Variants in TMEM123 observed in about 807,000 individuals in gnomAD.
TMEM123 encodes the protein transmembrane protein 123.
TMEM123 carries 16 observed loss-of-function variants against 19.7 expected under a neutral mutation model. The ratio of observed to expected loss-of-function variants is 0.81; its 90% CI spans 0.55 to 1.23. The LOEUF is 1.23. Ranked by LOEUF, TMEM123 falls within the 50% of genes most tolerant of loss-of-function variation. The pLI is 0.00. For synonymous variants in TMEM123, 118 were observed against 99.4 expected (o/e 1.19, Z -1.12); for missense variants, 313 against 257.8 (o/e 1.21, Z -1.47).
At chr11:102,439,566 A>G (rs974384986) in intron 2 of TMEM123, among the ~76,000 whole-genome samples, 3 of 152,208 alleles carry the variant, frequency 2.0e-5, no homozygotes, top group Admixed American at 6.5e-5. Flanking sequence ...CAAAGACCAA[A>G]GGTAGATAAA....
chr11:102,400,602 A>G (rs148948320), intron 4 of TMEM123, among the ~76,000 whole-genome samples: 2 of 152,366 alleles, frequency 1.3e-5, no homozygotes, highest in East Asian at 1.9e-4. Context: ...CAATATGAGT[A>G]TGTTGAAACC....
chr11:102,440,879 G>A (rs941585978), intron 2 of TMEM123, among the ~76,000 whole-genome samples: 4 of 152,068 alleles, frequency 2.6e-5, no homozygotes, highest in African/African-American at 9.7e-5. Flanking sequence ...ACAAAAAAAA[G>A]CAGGGGTTGC....
intron 2 of TMEM123, among the ~76,000 whole-genome samples, chr11:102,437,293 C>G (rs757520667): frequency 6.6e-6 from 1 of 151,890 alleles, no homozygotes; most frequent in Non-Finnish European, 1.5e-5. Context: ...ATCTCTTTAA[C>G]CCTTAAAATA....
chr11:102,429,388 C>T (rs1294939756), intron 2 of TMEM123, among the ~76,000 whole-genome samples: 1 of 152,102 alleles, frequency 6.6e-6, no homozygotes, highest in Non-Finnish European at 1.5e-5. Context: ...TTTTTTCCTC[C>T]TTTACAACAG....
intron 1 of TMEM123, chr11:102,449,125 C>A: frequency 2.9e-6 from 1 of 341,856 alleles, no homozygotes; most frequent in South Asian, 3.2e-5. Context: ...TATATACCAG[C>A]CACCGAATGC....
chr11:102,440,344 G>A (rs765356469), intron 2 of TMEM123, among the ~76,000 whole-genome samples: 24 of 152,082 alleles, frequency 1.6e-4, no homozygotes, highest in Admixed American at 3.9e-4. Flanking sequence ...GACTAACAGC[G>A]GATGTCTCGG....
intron 2 of TMEM123, among the ~76,000 whole-genome samples, chr11:102,425,587 T>C (rs567715615): frequency 2.0e-5 from 3 of 147,714 alleles, no homozygotes; most frequent in East Asian, 2.0e-4. Context: ...TTTTTTCTTT[T>C]TTTTTTTTTT....
In TMEM123 at chr11:102,438,768, G is replaced by A. The variant is rs375776931; in HGVS notation, c.157+10044C>T. Among the ~76,000 whole-genome samples, 94 of 152,230 alleles carry A rather than the reference G, an allele frequency of 6.2e-4. 1 individual carries two copies. The highest frequency in any genetic ancestry group is 2.0e-3 in the African/African-American group (82 of 41,468). ...GGACAGTGGCTGCAGCCCACAGAGC[G>A]TAAGCCGAAGCAGGGCAGGGCACTG... is the stretch of plus-strand genomic sequence containing the variant. On this transcript the variant is annotated intron_variant, in intron 2 of 4. Transcript: ENST00000398136.
chr11:102,411,637 T>G (rs113168811), intron 2 of TMEM123, among the ~76,000 whole-genome samples: 1 of 151,874 alleles, frequency 6.6e-6, no homozygotes, highest in East Asian at 1.9e-4. Context: ...CAGAACTGAA[T>G]TGGATTGTAG....
At chr11:102,405,342 G>A (rs1215129206) in intron 2 of TMEM123, among the ~76,000 whole-genome samples, 7 of 152,058 alleles carry the variant, frequency 4.6e-5, no homozygotes, top group African/African-American at 9.7e-5. Context: ...GTGAGCCACC[G>A]TGCCCGGCCT....
chr11:102,440,340 C>CTTA (rs1565355756), intron 2 of TMEM123, among the ~76,000 whole-genome samples: 3 of 152,192 alleles, frequency 2.0e-5, no homozygotes, highest in Non-Finnish European at 4.4e-5. Flanking sequence ...ATCAGACTAA[C>CTTA]AGCGGATGTC....
chr11:102,448,660 T>C lies in TMEM123; in HGVS notation c.157+152A>G, dbSNP rs1047276763. ...AACTATCACTTACTGATGTCTACTA[T>C]AGGGCACTAGGGCAGGTTATTGGGA... On this transcript the variant is annotated intron_variant, in intron 2 of 4. Transcript: ENST00000398136. The C allele has an allele frequency of 8.5e-5, 57 of 666,956 alleles. 1 individual carries two copies. The South Asian group carries it at 8.8e-4, about 10-fold the overall frequency. 41.3% of individuals were successfully genotyped at this position (666,956 alleles called of 1,614,324 possible).
rs372830054 is a variant in TMEM123 at position 102,424,683 on chromosome 11, T to G, written c.158-22477A>C. Among the ~76,000 whole-genome samples, 11 of 151,112 alleles carry G rather than the reference T, an allele frequency of 7.3e-5. No homozygotes were observed. The South Asian group carries it at 2.1e-3, about 29-fold the overall frequency. The stretch of plus-strand genomic sequence containing the variant: ...CAGCCTGGGTGACAGAGCAAGACCT[T>G]GTCTCAAAAAAAAAAAGAAACTCAG... On this transcript the variant is annotated intron_variant, in intron 2 of 4. Transcript: ENST00000398136.
intron 2 of TMEM123, among the ~76,000 whole-genome samples, chr11:102,408,323 T>G (rs1347192861): frequency 6.6e-6 from 1 of 152,246 alleles, no homozygotes; most frequent in East Asian, 1.9e-4. Flanking sequence ...CAATCAGTTC[T>G]TCATTCCTGT....
chr11:102,407,640 AAC>A (rs1165773957), intron 2 of TMEM123, among the ~76,000 whole-genome samples: 1 of 152,206 alleles, frequency 6.6e-6, no homozygotes, highest in Non-Finnish European at 1.5e-5. Context: ...CAGACACACA[AAC>A]ACACACAAAG....
At chr11:102,419,307 C>T (rs553384745) in intron 2 of TMEM123, among the ~76,000 whole-genome samples, 32 of 152,276 alleles carry the variant, frequency 2.1e-4, no homozygotes, top group South Asian at 1.9e-3. Context: ...TTCCTCATAT[C>T]CTGAATAAGT....
intron 2 of TMEM123, among the ~76,000 whole-genome samples, chr11:102,413,475 C>G (rs770268584): frequency 1.3e-5 from 2 of 152,168 alleles, no homozygotes; most frequent in Non-Finnish European, 2.9e-5. Flanking sequence ...TTGCTGGCAC[C>G]CCCACATTGG....
intron 2 of TMEM123, among the ~76,000 whole-genome samples, chr11:102,437,824 T>C (rs1238618900): frequency 1.3e-5 from 2 of 152,196 alleles, no homozygotes; most frequent in Non-Finnish European, 2.9e-5. Context: ...CAAAATATAA[T>C]TCTTTTATTG....
chr11:102,418,966 C>T (rs945264076), intron 2 of TMEM123, among the ~76,000 whole-genome samples: 2 of 152,142 alleles, frequency 1.3e-5, no homozygotes, highest in Non-Finnish European at 2.9e-5. Flanking sequence ...AATGAGTACA[C>T]AATGGACACT....
Sources: allele counts gnomAD v4.1 joint callset (sites outside exome capture counted in the v4.1 genomes callset), GRCh38; gene constraint gnomAD v4.1.1; transcripts MANE v1.5; gene names NCBI Gene and HGNC (gene_info 2026-07-23, HGNC 2026-07-21).